SLC2A14: variants seen among roughly 807,000 people sequenced by gnomAD.
SLC2A14 encodes solute carrier family 2, facilitated glucose transporter member 14.
In SLC2A14, 13 loss-of-function variants were observed where a neutral mutation model predicts 43.0. The ratio of observed to expected loss-of-function variants is 0.30; its 90% CI spans 0.20 to 0.48. SLC2A14 has a LOEUF of 0.48. Ranked by LOEUF, SLC2A14 falls within the 20% of genes least tolerant of loss-of-function variation. SLC2A14 has a pLI of 0.99. For missense variants in SLC2A14, 428 were observed against 620.4 expected (o/e 0.69, Z 3.29); for synonymous variants, 190 against 233.8 (o/e 0.81, Z 1.71).
intron 7 of SLC2A14, among the ~76,000 whole-genome samples, chr12:7,822,464 G>A (rs909865941): frequency 4.6e-5 from 7 of 151,426 alleles, no homozygotes; most frequent in Non-Finnish European, 8.8e-5. Flanking sequence ...TCAGGAGATC[G>A]AGACCATCCT....
At chr12:7,875,135 T>TTAAAGATTATATTTAAAATGAAATATAAA (rs1945435025), upstream of SLC2A14, among the ~76,000 whole-genome samples, 1 of 109,452 alleles carries the variant, frequency 9.1e-6, no homozygotes. Flanking sequence ...TTAAATATAT[T>TTAAAGATTATATTTAAAATGAAATATAAA]TAAATATTAT....
At chr12:7,814,991 G>A (rs1234223381) in intron 10 of SLC2A14, among the ~76,000 whole-genome samples, 1 of 151,784 alleles carries the variant, frequency 6.6e-6, no homozygotes, top group African/African-American at 2.4e-5. Context: ...GCAGAGATGG[G>A]GTTTCACCAT....
At chr12:7,855,020 G>T (rs1266614539) in intron 2 of SLC2A14, among the ~76,000 whole-genome samples, 6 of 151,922 alleles carry the variant, frequency 3.9e-5, no homozygotes, top group African/African-American at 1.5e-4. Context: ...ATGTTGGCGA[G>T]GCTGGTCTTG....
At chr12:7,861,103 CATAA>C in intron 2 of SLC2A14, among the ~76,000 whole-genome samples, 1 of 151,840 alleles carries the variant, frequency 6.6e-6, no homozygotes. Context: ...CAACTGTTTT[CATAA>C]ATTAATTATC....
chr12:7,825,866 T>C (rs1444128368), intron 7 of SLC2A14, among the ~76,000 whole-genome samples: 2 of 151,778 alleles, frequency 1.3e-5, no homozygotes, highest in Non-Finnish European at 2.9e-5. Context: ...TCATGGATCA[T>C]CTGTAATTTC....
At chr12:7,856,821 G>C (rs1328624088) in intron 2 of SLC2A14, among the ~76,000 whole-genome samples, 1 of 150,442 alleles carries the variant, frequency 6.6e-6, no homozygotes. Context: ...CCTTTGAAGT[G>C]GGTATTAATG....
At chr12:7,873,342 C>G, upstream of SLC2A14, 5 of 985,402 alleles carry the variant, frequency 5.1e-6, no homozygotes, top group Non-Finnish European at 6.0e-6. Context: ...GGGCGAGATC[C>G]TGTAAAGAGT....
At position 7,852,116 on chromosome 12, in the gene SLC2A14, AG is replaced by A. The variant is rs756523154; in HGVS notation, c.18+17746del. Among the ~76,000 whole-genome samples, 4 of 152,294 alleles carry A rather than the reference AG, an allele frequency of 2.6e-5. No homozygotes were observed. In the South Asian group the frequency reaches 8.3e-4, roughly 32 times the overall value. ...GTTGTATTGTATTTACTTAGTTTTT[AG>A]AGATGACAGAAGAAAAACAGGATTA... On this transcript the variant is annotated intron_variant, in intron 2 of 10. Coordinates refer to ENST00000431042, the MANE Select transcript of SLC2A14 (RefSeq NM_001286234.2).
At chr12:7,874,961 T>TAAATTATATATAAATACATATATAA (rs1945421796), upstream of SLC2A14, among the ~76,000 whole-genome samples, 1 of 6,536 alleles carries the variant, frequency 1.5e-4, no homozygotes, top group African/African-American at 4.3e-4. Context: ...TATTTATATA[T>TAAATTATATATAAATACATATATAA]AAATTATATA....
chr12:7,886,549 A>G (rs1425274350), intron 1 of SLC2A14, among the ~76,000 whole-genome samples: 1 of 151,920 alleles, frequency 6.6e-6, no homozygotes, highest in Non-Finnish European at 1.5e-5. Context: ...TTTATGGGTA[A>G]AATAGGCAAA....
chr12:7,875,893 T>A (rs974560685), upstream of SLC2A14, among the ~76,000 whole-genome samples: 22 of 151,972 alleles, frequency 1.4e-4, no homozygotes, highest in Admixed American at 1.4e-3. Context: ...GGAGATTCTC[T>A]TGAACCCAGG....
chr12:7,833,320 CTT>C (rs1182014922), intron 2 of SLC2A14, among the ~76,000 whole-genome samples: 5 of 152,190 alleles, frequency 3.3e-5, no homozygotes, highest in African/African-American at 1.2e-4. Flanking sequence ...CTTTGAGTCT[CTT>C]ATCTCTCAGG....
At chr12:7,814,596 T>G in intron 10 of SLC2A14, 62 bp from the exon 11 acceptor site, 2 of 1,515,330 alleles carry the variant, frequency 1.3e-6, no homozygotes, top group Non-Finnish European at 1.8e-6. Context: ...CAAATACAAT[T>G]TCCTTCACAT....
At chr12:7,849,511 T>C (rs1454069631) in intron 2 of SLC2A14, among the ~76,000 whole-genome samples, 2 of 151,574 alleles carry the variant, frequency 1.3e-5, no homozygotes, top group Non-Finnish European at 2.9e-5. Flanking sequence ...CACACATAAG[T>C]AAATCAAGAA....
At chr12:7,831,517 C>T in intron 4 of SLC2A14, 87 bp downstream of exon 4, 1 of 1,556,756 alleles carries the variant, frequency 6.4e-7, no homozygotes, top group South Asian at 1.2e-5. Context: ...TATTCAAAGG[C>T]ATCATCACCT....
In SLC2A14 at chr12:7,842,537, A is replaced by G. The variant is rs768469418; in HGVS notation, c.19-9723T>C. Reference sequence around the variant, plus strand: ...AGATAATTGCTTGCATGAAGTGAAGACAGTTCTTTGAGTTCCTTAACTTTT... The same window carrying G: ...AGATAATTGCTTGCATGAAGTGAAGGCAGTTCTTTGAGTTCCTTAACTTTT... On this transcript the variant is annotated intron_variant, in intron 2 of 10. Coordinates refer to ENST00000431042, the MANE Select transcript of SLC2A14 (RefSeq NM_001286234.2). 5.3e-5 allele frequency among the ~76,000 whole-genome samples: 8 copies of G among 152,270 alleles called. No individual in the cohort carries two copies. In the South Asian group the frequency reaches 1.4e-3, roughly 28 times the overall value.
intron 1 of SLC2A14, among the ~76,000 whole-genome samples, chr12:7,881,831 A>G (rs763239148): frequency 6.6e-6 from 1 of 152,288 alleles, no homozygotes; most frequent in South Asian, 2.1e-4. Flanking sequence ...AGGTTTGTAA[A>G]CACACCAATC....
chr12:7,871,988 A>G (rs4280074), intron 1 of SLC2A14: 684,158 of 780,012 alleles, frequency 0.88, 300,309 homozygotes, highest in South Asian at 0.96. Flanking sequence ...AAAAGAAAAA[A>G]AAAGTAAGGT....
chr12:7,875,199 ATATATT>A (rs1375675014), upstream of SLC2A14, among the ~76,000 whole-genome samples: 1 of 134,034 alleles, frequency 7.5e-6, no homozygotes, highest in East Asian at 2.1e-4. Flanking sequence ...ATATATTAAA[ATATATT>A]TATATTTATA....
Sources: gnomAD v4.1 joint callset for allele counts (sites outside exome capture counted in the v4.1 genomes callset) on GRCh38, gnomAD v4.1.1 for gene constraint, MANE v1.5 for transcripts, NCBI Gene and HGNC (gene_info 2026-07-23, HGNC 2026-07-21) for gene names.